Variants in SEC62 observed in about 807,000 individuals in gnomAD.
SEC62 encodes SEC62 preprotein translocation factor, also known as translocation protein SEC62.
In SEC62, 10 loss-of-function variants were observed where a neutral mutation model predicts 47.5. That is an observed-to-expected ratio of 0.21 (90% CI 0.13 to 0.36). The LOEUF is 0.36. Among genes scored for constraint, SEC62 ranks in the 10% least tolerant of loss-of-function variants. The pLI, the probability that SEC62 is intolerant of heterozygous loss-of-function variation, is 1.00. For synonymous variants in SEC62, 136 were observed against 150.5 expected, an observed-to-expected ratio of 0.90 and a Z score of 0.71; for missense variants, 327 against 464.1, an observed-to-expected ratio of 0.70 and a Z score of 2.71.
rs1173658621 is a variant in SEC62 at position 169,976,878 on chromosome 3, AAAAT to A, written c.146-66_146-63del. 80 of 1,069,902 alleles carry A rather than the reference AAAAT, an allele frequency of 7.5e-5. No individual in the cohort carries two copies. The African/African-American group carries it at 1.1e-3, about 14-fold the overall frequency. 66.3% of individuals were successfully genotyped at this position (1,069,902 alleles called of 1,614,324 possible). A position where few individuals can be genotyped will look rare whatever the true frequency, so the allele number is the denominator to read the frequency against. ...CCAGAGTGTTGAAATTTTACTTTATAAAATATTATTTAGATAGACATAAATCCCC... is the reference window on the plus strand; with the variant it reads ...CCAGAGTGTTGAAATTTTACTTTATAATTATTTAGATAGACATAAATCCCC... On this transcript the variant is annotated intron_variant, in intron 2 of 7. Coordinates refer to ENST00000337002, the MANE Select transcript of SEC62 (RefSeq NM_003262.4).
chr3:169,980,710 A>G (rs564318626), intron 3 of SEC62, among the ~76,000 whole-genome samples: 2 of 152,320 alleles, frequency 1.3e-5, no homozygotes, highest in South Asian at 2.1e-4. Flanking sequence ...AACTGTTGCA[A>G]ATGATTTAGA....
chr3:169,986,118 T>C (rs954579443), intron 6 of SEC62, among the ~76,000 whole-genome samples: 1 of 152,154 alleles, frequency 6.6e-6, no homozygotes, highest in African/African-American at 2.4e-5. Flanking sequence ...CAATGACCAA[T>C]CATCATGAGT....
Position 169,992,912 on chromosome 3 carries a change from A to G in SEC62, c.1049A>G (p.Asp350Gly), listed in dbSNP as rs2108289783. Residue 350 changes from aspartate to glycine, a missense_variant, in exon 8 of 8, where the codon GAT (aspartate) becomes GGT (glycine). Asp to Gly is a moderately conservative substitution (Grantham distance 94). This residue lies in a region of SEC62 where 102 missense variants were observed against 108.8 expected (regional missense o/e 0.94). Transcript: ENST00000337002. This position sits in a 1 kb window ranked among gnomAD's most constrained non-coding sequence, Gnocchi z 4.0. ...GACACGGACAGTGACAGGAGGGAAG[A>G]TGATCGATCCCAGCACAGTAGTGGA... ...HSDTDSDRREDDRSQHSSGNG... is the reference protein window; with the variant it reads ...HSDTDSDRREGDRSQHSSGNG... 6.2e-7 allele frequency: 1 copy of G among 1,614,146 alleles called. No homozygotes were observed. The highest frequency in any genetic ancestry group is 1.3e-5 in the African/African-American group (1 of 75,044).
chr3:169,972,635 T>C (rs1270898885), intron 1 of SEC62, among the ~76,000 whole-genome samples: 5 of 148,774 alleles, frequency 3.4e-5, no homozygotes, highest in Non-Finnish European at 7.4e-5. Context: ...TTGCCCAGGC[T>C]GGTCTCAAGC....
rs1246835988 is a variant in SEC62, at chr3:169,998,335, A to G, written c.*5272A>G. On this transcript the variant is annotated 3_prime_UTR_variant, in exon 8 of 8. Coordinates refer to ENST00000337002, the MANE Select transcript of SEC62 (RefSeq NM_003262.4). ...GTGATGTTTTGTTTTGATAGATTAT[A>G]TCTTACTCCTAAATAAAAAGTCAAG... is the stretch of plus-strand genomic sequence containing the variant. 2 of 152,222 alleles carry G rather than the reference A, an allele frequency of 1.3e-5. No individual in the cohort carries two copies. The highest frequency in any genetic ancestry group is 2.9e-5 in the Non-Finnish European group (2 of 68,044). The allele number at this position is 152,222 out of a possible 1,614,324, so 9.4% of individuals were successfully genotyped here. A position where few individuals can be genotyped will look rare whatever the true frequency, so the allele number is the denominator to read the frequency against.
In SEC62 at chr3:169,988,376, T is replaced by C. The variant is rs1366098875; in HGVS notation, c.730+17T>C. 2 of 1,612,848 alleles carry C rather than the reference T, an allele frequency of 1.2e-6. No individual in the cohort carries two copies. Among genetic ancestry groups the C allele is most frequent in the South Asian group, 1.1e-5 (1 of 90,974 alleles). On this transcript the variant is annotated intron_variant, in intron 7 of 7. Coordinates refer to ENST00000337002, the MANE Select transcript of SEC62 (RefSeq NM_003262.4). ...TTGCTGTTGGTAAGTATTGTTATTA[T>C]AAAATTGACCTCAAGAAGGTTGGTA...
chr3:169,973,856 G>A (rs1714765575), intron 1 of SEC62, among the ~76,000 whole-genome samples: 1 of 152,118 alleles, frequency 6.6e-6, no homozygotes, highest in South Asian at 2.1e-4. Context: ...ATCTTACACA[G>A]GTAATTGGGC....
At position 169,975,637 on chromosome 3, in the gene SEC62, G is replaced by A; in HGVS notation, c.66G>A (p.Lys22=). 1 of 1,613,588 alleles carries A rather than the reference G, an allele frequency of 6.2e-7. No individual in the cohort carries two copies. Among genetic ancestry groups the A allele is most frequent in the Non-Finnish European group, 8.5e-7 (1 of 1,179,596 alleles). Residue 22 remains lysine (K), a synonymous_variant, in exon 2 of 8, where the codon AAG becomes AAA. Coordinates refer to ENST00000337002, the MANE Select transcript of SEC62 (RefSeq NM_003262.4). ...QEVGEPSKEE[K]AVAKYLRFNC... ...TTGGTGAACCATCTAAAGAAGAGAA[G>A]GCTGTGGCCAAGTATCTTCGATTCA...
chr3:169,977,084 A>G, intron 3 of SEC62, 33 bp downstream of exon 3: 5 of 1,478,338 alleles, frequency 3.4e-6, no homozygotes, highest in Non-Finnish European at 4.7e-6. Context: ...GAATAACATA[A>G]TAATTTTAAA....
chr3:169,994,450 ATT>A lies in SEC62; in HGVS notation c.*1388_*1389del, dbSNP rs1715325935. ...GAATTAAAGATGTTAAATTTTTCTA[ATT>A]GTGAAAAATATGTTTTCTGTATCGA... is the stretch of plus-strand genomic sequence containing the variant. On this transcript the variant is annotated 3_prime_UTR_variant, in exon 8 of 8. Transcript: ENST00000337002. 6.6e-6 allele frequency: 1 copy of A among 152,574 alleles called. No individual in the cohort carries two copies. Among genetic ancestry groups the A allele is most frequent in the African/African-American group, 2.4e-5 (1 of 41,442 alleles). 9.5% of individuals were successfully genotyped at this position (152,574 alleles called of 1,614,324 possible).
rs1715337483 is a variant in SEC62 at position 169,994,808 on chromosome 3, C to CTATTACTCAATATTA, written c.*1745_*1746insTATTACTCAATATTA. 6.6e-6 allele frequency: 1 copy of CTATTACTCAATATTA among 151,986 alleles called. No individual in the cohort carries two copies. Among genetic ancestry groups the CTATTACTCAATATTA allele is most frequent in the Non-Finnish European group, 1.5e-5 (1 of 67,976 alleles). 9.4% of individuals were successfully genotyped at this position (151,986 alleles called of 1,614,324 possible). A position where few individuals can be genotyped will look rare whatever the true frequency, so the allele number is the denominator to read the frequency against. On this transcript the variant is annotated 3_prime_UTR_variant, in exon 8 of 8. Transcript: ENST00000337002. ...AACCTTTACTATTACTGTGATAATA[C>CTATTACTCAATATTA]CCAGGCACTCAATATTCATCCTGAA...
chr3:169,971,068 CTTT>C (rs747459014), intron 1 of SEC62, among the ~76,000 whole-genome samples: 3 of 136,960 alleles, frequency 2.2e-5, no homozygotes, highest in African/African-American at 2.7e-5. Context: ...TCTCATGGTA[CTTT>C]TTTTTTTTTT....
intron 7 of SEC62, among the ~76,000 whole-genome samples, chr3:169,989,904 T>C (rs1273548811): frequency 6.7e-6 from 1 of 149,594 alleles, no homozygotes; most frequent in African/African-American, 2.4e-5. Context: ...ATATTTCTTT[T>C]ATATTATTCT....
At chr3:169,966,959 G>T (rs1714542486) in intron 1 of SEC62, 101 bp downstream of exon 1, 2 of 1,019,336 alleles carry the variant, frequency 2.0e-6, no homozygotes, top group Admixed American at 2.7e-5. Flanking sequence ...GGGCGAGGTG[G>T]GGTGGGGTGG....
At chr3:169,989,329 T>G (rs80022720) in intron 7 of SEC62, among the ~76,000 whole-genome samples, 1 of 132 alleles carries the variant, frequency 7.6e-3, no homozygotes, top group Non-Finnish European at 0.017. Flanking sequence ...TGATCTGCCC[T>G]CCTTGGCCTC....
At chr3:169,972,580 CTTT>C (rs11391826) in intron 1 of SEC62, among the ~76,000 whole-genome samples, 2 of 114,958 alleles carry the variant, frequency 1.7e-5, no homozygotes, top group Non-Finnish European at 1.7e-5. Flanking sequence ...CTTTTTCTAT[CTTT>C]TTTTTTTTTT....
intron 2 of SEC62, 45 bp downstream of exon 2, chr3:169,975,761 A>C (rs771340774): frequency 7.6e-7 from 1 of 1,310,418 alleles, no homozygotes; most frequent in Admixed American, 1.7e-5. Context: ...ATATGTTATG[A>C]AGTTAACCTA....
chr3:169,967,216 C>T (rs926056917), intron 1 of SEC62, among the ~76,000 whole-genome samples: 1 of 152,204 alleles, frequency 6.6e-6, no homozygotes, highest in Non-Finnish European at 1.5e-5. Flanking sequence ...CTGACCCTTC[C>T]CGGGGCTCCT....
intron 6 of SEC62, among the ~76,000 whole-genome samples, chr3:169,986,382 A>T (rs1021579967): frequency 3.3e-5 from 5 of 152,178 alleles, no homozygotes; most frequent in African/African-American, 4.8e-5. Context: ...TTTTTTTCCA[A>T]ATCCCTTAGA....
Sources: gnomAD v4.1 joint callset for allele counts (sites outside exome capture counted in the v4.1 genomes callset) on GRCh38, gnomAD v4.1.1 for gene constraint, gnomAD v4.1.1 regional missense constraint, Gnocchi (gnomAD v3.1) non-coding constraint, MANE v1.5 for transcripts, NCBI Gene and HGNC (gene_info 2026-07-23, HGNC 2026-07-21) for gene names.